The following ADGRD1 variants were observed in gnomAD, a reference collection of about 807,000 sequenced individuals.
ADGRD1 encodes G-protein coupled receptor 133.
Under a neutral mutation model 113.4 loss-of-function variants are expected in ADGRD1, and 77 were observed. The observed-to-expected ratio is 0.68, with a 90% CI of 0.57 to 0.82. The LOEUF (loss-of-function observed/expected upper bound fraction) is 0.82. Among genes scored for constraint, ADGRD1 ranks in the 40% least tolerant of loss-of-function variants. ADGRD1 has a pLI of 0.00. For synonymous variants in ADGRD1, 474 were observed against 475.0 expected, an observed-to-expected ratio of 1.00 and a Z score of 0.03; for missense variants, 1,036 against 1,139.1, an observed-to-expected ratio of 0.91 and a Z score of 1.30.
chr12:130,985,129 G>A (rs942911172), intron 5 of ADGRD1, among the ~76,000 whole-genome samples: 1 of 150,720 alleles, frequency 6.6e-6, no homozygotes, highest in African/African-American at 2.4e-5. Context: ...TACAGGTGAG[G>A]TCTTACTTGG....
intron 4 of ADGRD1, among the ~76,000 whole-genome samples, chr12:130,976,590 C>T (rs868213148): frequency 1.3e-5 from 2 of 152,174 alleles, no homozygotes; most frequent in Non-Finnish European, 2.9e-5. Flanking sequence ...TTGGTGGGCG[C>T]CGTGTTGATC....
At position 131,098,804 on chromosome 12, in the gene ADGRD1, C is replaced by T. The variant is rs1414056433; in HGVS notation, c.1672-6027C>T. ...CACATCCACGTCTTTGTTCATCACC[C>T]GCTTCCCCACTGCAATGAGACTTCC... On this transcript the variant is annotated intron_variant, in intron 15 of 24. Transcript: ENST00000261654. 2.0e-5 allele frequency among the ~76,000 whole-genome samples: 3 copies of T among 152,228 alleles called. No homozygotes were observed. The East Asian group carries it at 5.8e-4, about 29-fold the overall frequency.
At chr12:131,016,491 C>T (rs1204378260) in intron 13 of ADGRD1, among the ~76,000 whole-genome samples, 26 of 152,266 alleles carry the variant, frequency 1.7e-4, no homozygotes, top group Admixed American at 1.7e-3. Flanking sequence ...GTGCACTCCA[C>T]AGGCTCAGCC....
intron 15 of ADGRD1, among the ~76,000 whole-genome samples, chr12:131,101,450 C>T (rs374455170): frequency 8.1e-5 from 10 of 122,864 alleles, no homozygotes; most frequent in Admixed American, 4.3e-4. Context: ...GCAAGTGGCA[C>T]GATTTCGGCT....
At chr12:130,969,144 G>A in intron 3 of ADGRD1, 1 of 842,072 alleles carries the variant, frequency 1.2e-6, no homozygotes, top group Non-Finnish European at 1.9e-6. Flanking sequence ...GGCCAATTCT[G>A]TTTGGTAGTA....
intron 17 of ADGRD1, among the ~76,000 whole-genome samples, chr12:131,107,970 G>A (rs576427858): frequency 6.6e-6 from 1 of 152,258 alleles, no homozygotes; most frequent in South Asian, 2.1e-4. Flanking sequence ...TAAGGGACAC[G>A]CCCTGGCTGT....
intron 13 of ADGRD1, chr12:131,070,831 C>T (rs372252533): frequency 1.1e-4 from 59 of 519,044 alleles, no homozygotes; most frequent in Non-Finnish European, 2.1e-4. Context: ...GGTTGGCTGG[C>T]CTCTAGTGCC....
intron 13 of ADGRD1, among the ~76,000 whole-genome samples, chr12:131,071,700 G>A (rs1885184595): frequency 6.6e-6 from 1 of 152,214 alleles, no homozygotes; most frequent in African/African-American, 2.4e-5. Context: ...GCCCGAGGAA[G>A]GAGAGAGTGG....
chr12:130,993,218 T>C (rs1178947899), intron 8 of ADGRD1, among the ~76,000 whole-genome samples: 1 of 151,986 alleles, frequency 6.6e-6, no homozygotes, highest in African/African-American at 2.4e-5. Flanking sequence ...GTGAGCACTT[T>C]TCAAGGGTTC....
At chr12:131,031,891 T>C (rs1880801814) in intron 13 of ADGRD1, among the ~76,000 whole-genome samples, 1 of 152,208 alleles carries the variant, frequency 6.6e-6, no homozygotes, top group Non-Finnish European at 1.5e-5. Context: ...GCCAGGTGCC[T>C]ACCTGCCTTC....
intron 13 of ADGRD1, chr12:131,023,171 C>T (rs1182473169): frequency 6.6e-6 from 1 of 151,908 alleles, no homozygotes; most frequent in East Asian, 1.9e-4. Flanking sequence ...CTGCTTTTAG[C>T]CTTACACCAT....
chr12:130,981,864 G>A lies in ADGRD1; in HGVS notation c.311-20G>A, dbSNP rs759775523. 9 of 1,586,148 alleles carry A rather than the reference G, an allele frequency of 5.7e-6. No individual in the cohort carries two copies. The highest frequency in any genetic ancestry group is 6.9e-6 in the Non-Finnish European group (8 of 1,158,304). ...AGTCCCCTGCTCTCTGTGAATAACT[G>A]ATCTTGTGACTTTCCTCAGGGGTCA... On this transcript the variant is annotated intron_variant, in intron 4 of 24. Coordinates refer to ENST00000261654, the MANE Select transcript of ADGRD1 (RefSeq NM_198827.5).
chr12:131,134,922 A>G (rs940331814), intron 21 of ADGRD1, among the ~76,000 whole-genome samples: 4 of 152,232 alleles, frequency 2.6e-5, no homozygotes, highest in African/African-American at 9.6e-5. Context: ...CCCACAGTCT[A>G]TGAGGGAGAC....
intron 20 of ADGRD1, 108 bp from the exon 21 acceptor site, chr12:131,131,617 C>T (rs1338471973): frequency 2.7e-6 from 2 of 727,446 alleles, no homozygotes; most frequent in Non-Finnish European, 4.7e-6. Context: ...CCCAGGAGCC[C>T]TGGCTGGGCA....
chr12:131,091,450 C>T (rs541315839), intron 15 of ADGRD1, among the ~76,000 whole-genome samples: 4 of 152,270 alleles, frequency 2.6e-5, no homozygotes, highest in African/African-American at 4.8e-5. Context: ...GATGAAGTCA[C>T]GAAACGCGGT....
In ADGRD1 at chr12:130,984,824, CCTT is replaced by C. The variant is rs1321343581; in HGVS notation, c.491-2269_491-2267del. On this transcript the variant is annotated intron_variant, in intron 5 of 24. Coordinates refer to ENST00000261654, the MANE Select transcript of ADGRD1 (RefSeq NM_198827.5). The surrounding 1 kb of genome is among the most constrained non-coding windows in gnomAD (Gnocchi z 4.1). Reference sequence around the variant, plus strand: ...CCCTCCCTCCCTTCCTCCCTCCCTTCCTTCCTTCCTTCTTGCCTTCCATCCTCC... The same window carrying C: ...CCCTCCCTCCCTTCCTCCCTCCCTTCCCTTCCTTCTTGCCTTCCATCCTCC... Among the ~76,000 whole-genome samples the C allele has an allele frequency of 7.4e-5, 11 of 148,534 alleles. No homozygotes were observed. Among genetic ancestry groups the C allele is most frequent in the East Asian group, 3.9e-4 (2 of 5,144 alleles).
At position 131,136,960 on chromosome 12, in the gene ADGRD1, C is replaced by T. The variant is rs757835055; in HGVS notation, c.2395-13C>T. 6.2e-7 allele frequency: 1 copy of T among 1,605,584 alleles called. No individual in the cohort carries two copies. Among genetic ancestry groups the T allele is most frequent in the Non-Finnish European group, 8.5e-7 (1 of 1,172,122 alleles). On this transcript the variant is annotated splice_polypyrimidine_tract_variant and intron_variant, in intron 22 of 24. Transcript: ENST00000261654. ...AGGGCTCTAATCTCTGCGTTTCTTC[C>T]CTTTCTTCCCAGGGACTGTTCATAT...
intron 9 of ADGRD1, among the ~76,000 whole-genome samples, chr12:131,001,211 A>T (rs920015929): frequency 2.0e-5 from 3 of 152,220 alleles, no homozygotes; most frequent in Non-Finnish European, 4.4e-5. Flanking sequence ...AAGGTGCAGA[A>T]AAAAAGCTTC....
intron 8 of ADGRD1, among the ~76,000 whole-genome samples, chr12:130,996,037 T>A (rs1416774594): frequency 6.6e-6 from 1 of 152,146 alleles, no homozygotes; most frequent in Admixed American, 6.5e-5. Context: ...GCACCGCCCT[T>A]AATCCATTTA....
Sources: allele counts gnomAD v4.1 joint callset (sites outside exome capture counted in the v4.1 genomes callset), GRCh38; gene constraint gnomAD v4.1.1; non-coding constraint Gnocchi (gnomAD v3.1); transcripts MANE v1.5; gene names NCBI Gene and HGNC (gene_info 2026-07-23, HGNC 2026-07-21).